The following FRMPD2 variants were observed in gnomAD, a reference collection of about 807,000 sequenced individuals.
FRMPD2 encodes the protein FERM and PDZ domain containing 2.
In FRMPD2, 96 loss-of-function variants were observed where a neutral mutation model predicts 140.1. The observed-to-expected ratio is 0.69, with a 90% CI of 0.58 to 0.81. The LOEUF (loss-of-function observed/expected upper bound fraction) is 0.81, where lower values mean the gene tolerates loss of function less well. Ranked by LOEUF, FRMPD2 falls within the 40% of genes least tolerant of loss-of-function variation. The probability of loss-of-function intolerance (pLI) is 0.00; values close to 1 mark genes in which losing one functional copy is unlikely to be tolerated. For missense variants in FRMPD2, 1,240 were observed against 1,447.4 expected, an observed-to-expected ratio of 0.86 and a Z score of 2.32; for synonymous variants, 449 against 547.6, an observed-to-expected ratio of 0.82 and a Z score of 2.52.
chr10:48,181,867 A>G (rs1223067946), intron 20 of FRMPD2, among the ~76,000 whole-genome samples: 1 of 61,466 alleles, frequency 1.6e-5, no homozygotes, highest in African/African-American at 6.4e-5. Flanking sequence ...TCATATATAT[A>G]TATATATATA....
intron 16 of FRMPD2, among the ~76,000 whole-genome samples, chr10:48,188,279 C>G (rs1838739883): frequency 6.6e-6 from 1 of 152,196 alleles, no homozygotes; most frequent in Non-Finnish European, 1.5e-5. Context: ...GACACCAGGG[C>G]TCTCTCTGCA....
chr10:48,205,992 T>C (rs1165123065), intron 14 of FRMPD2, among the ~76,000 whole-genome samples: 1 of 152,146 alleles, frequency 6.6e-6, no homozygotes, highest in Non-Finnish European at 1.5e-5. Context: ...GAAAAAAACA[T>C]TTTTTCAGGG....
intron 1 of FRMPD2, among the ~76,000 whole-genome samples, chr10:48,269,672 G>T (rs896063965): frequency 2.0e-5 from 3 of 152,220 alleles, no homozygotes; most frequent in Non-Finnish European, 4.4e-5. Context: ...CTGGGTGAAT[G>T]CTTTGTTTAA....
intron 14 of FRMPD2, among the ~76,000 whole-genome samples, chr10:48,205,271 T>C (rs937476591): frequency 1.3e-5 from 2 of 152,256 alleles, no homozygotes; most frequent in African/African-American, 2.4e-5. Flanking sequence ...TTTTTTGAGC[T>C]ACTAAGTTTG....
chr10:48,239,957 T>TA (rs1491230666), intron 6 of FRMPD2, among the ~76,000 whole-genome samples: 7 of 152,194 alleles, frequency 4.6e-5, no homozygotes, highest in East Asian at 3.9e-4. Flanking sequence ...TTAATTTTTT[T>TA]AAAAAAAGCT....
At chr10:48,205,078 T>C (rs1027831081) in intron 14 of FRMPD2, among the ~76,000 whole-genome samples, 1 of 152,238 alleles carries the variant, frequency 6.6e-6, no homozygotes, top group Admixed American at 6.5e-5. Flanking sequence ...TTCATATTGT[T>C]CACTGAATTC....
chr10:48,273,725 G>T (rs371734659), intron 1 of FRMPD2, among the ~76,000 whole-genome samples: 59 of 152,188 alleles, frequency 3.9e-4, no homozygotes, highest in African/African-American at 1.2e-3. Flanking sequence ...TGGGCTGGGG[G>T]AGACATCCCC....
At chr10:48,167,825 C>T (rs1456831071) in intron 27 of FRMPD2, among the ~76,000 whole-genome samples, 1 of 151,888 alleles carries the variant, frequency 6.6e-6, no homozygotes, top group African/African-American at 2.4e-5. Flanking sequence ...AGATTGTCTT[C>T]CATAATGTAG....
chr10:48,198,974 C>T (rs1275315430), intron 15 of FRMPD2, among the ~76,000 whole-genome samples: 2 of 152,154 alleles, frequency 1.3e-5, no homozygotes, highest in African/African-American at 2.4e-5. Context: ...TAATCCTAAG[C>T]AAATTAACGC....
chr10:48,193,365 A>G (rs979140798), intron 15 of FRMPD2, among the ~76,000 whole-genome samples: 1 of 152,214 alleles, frequency 6.6e-6, no homozygotes, highest in African/African-American at 2.4e-5. Flanking sequence ...TAATCTCTAC[A>G]CAGCGTAGTT....
At chr10:48,240,710 C>A (rs185721000) in intron 5 of FRMPD2, among the ~76,000 whole-genome samples, 1 of 152,336 alleles carries the variant, frequency 6.6e-6, no homozygotes, top group East Asian at 1.9e-4. Context: ...TGCACACTCA[C>A]ACACATCTGT....
intron 1 of FRMPD2, among the ~76,000 whole-genome samples, chr10:48,261,637 T>C (rs901320065): frequency 2.0e-5 from 3 of 152,174 alleles, no homozygotes; most frequent in Non-Finnish European, 4.4e-5. Flanking sequence ...TAGGCTTGCC[T>C]TGCAAGAAAT....
At chr10:48,229,085 G>T (rs901405172) in intron 10 of FRMPD2, among the ~76,000 whole-genome samples, 1 of 151,978 alleles carries the variant, frequency 6.6e-6, no homozygotes, top group African/African-American at 2.4e-5. Flanking sequence ...ATAAAATACA[G>T]TTATATTGCA....
intron 25 of FRMPD2, among the ~76,000 whole-genome samples, chr10:48,171,615 A>T (rs1219167347): frequency 6.6e-6 from 1 of 152,418 alleles, no homozygotes; most frequent in East Asian, 1.9e-4. Context: ...GATATTTTTT[A>T]TTCTTCTTAC....
chr10:48,211,704 AT>A (rs1431090413), intron 13 of FRMPD2, among the ~76,000 whole-genome samples: 1 of 152,072 alleles, frequency 6.6e-6, no homozygotes, highest in Non-Finnish European at 1.5e-5. Context: ...AATAAATAAA[AT>A]AAAAAATAAG....
chr10:48,231,994 C>A, intron 10 of FRMPD2, 121 bp downstream of exon 10: 1 of 805,592 alleles, frequency 1.2e-6, no homozygotes, highest in Non-Finnish European at 2.1e-6. Context: ...AATGTCTAGG[C>A]ATACAAAGGG....
At chr10:48,211,485 T>C (rs1460688659) in intron 13 of FRMPD2, among the ~76,000 whole-genome samples, 1 of 152,120 alleles carries the variant, frequency 6.6e-6, no homozygotes. Flanking sequence ...GTGTCTGGAA[T>C]GCTGATCTAA....
At chr10:48,241,444 A>G (rs762600074) in intron 5 of FRMPD2, among the ~76,000 whole-genome samples, 1 of 151,796 alleles carries the variant, frequency 6.6e-6, no homozygotes, top group Non-Finnish European at 1.5e-5. Flanking sequence ...TGGGGGACCA[A>G]CTCCATGGTG....
intron 9 of FRMPD2, among the ~76,000 whole-genome samples, chr10:48,234,331 G>A (rs1839917825): frequency 6.6e-6 from 1 of 152,208 alleles, no homozygotes; most frequent in Admixed American, 6.5e-5. Flanking sequence ...AAAAGAAAAT[G>A]TTTTATATTT....
Sources: allele counts gnomAD v4.1 joint callset (sites outside exome capture counted in the v4.1 genomes callset), GRCh38; gene constraint gnomAD v4.1.1; transcripts MANE v1.5; gene names NCBI Gene and HGNC (gene_info 2026-07-23, HGNC 2026-07-21).